The following NCOR2 variants were observed in gnomAD, a reference collection of about 807,000 sequenced individuals.
The protein encoded by NCOR2 is nuclear receptor corepressor 2.
In NCOR2, 81 loss-of-function variants were observed where a neutral mutation model predicts 262.9. That is an observed-to-expected ratio of 0.31 (90% CI 0.26 to 0.37). The LOEUF is 0.37. Among genes scored for constraint, NCOR2 ranks in the 10% least tolerant of loss-of-function variants. The probability of loss-of-function intolerance (pLI) is 1.00; values close to 1 mark genes in which losing one functional copy is unlikely to be tolerated. For synonymous variants in NCOR2, 1,659 were observed against 1,559.3 expected (o/e 1.06, Z -1.51); for missense variants, 3,385 against 3,621.4 (o/e 0.93, Z 1.68).
chr12:124,326,184 T>C lies in NCOR2; in HGVS notation c.7363+7A>G, dbSNP rs776642316. 2.6e-5 allele frequency: 40 copies of C among 1,516,586 alleles called. No homozygotes were observed. The highest frequency in any genetic ancestry group is 3.4e-5 in the Non-Finnish European group (39 of 1,135,522). 93.9% of individuals were successfully genotyped at this position (1,516,586 alleles called of 1,614,324 possible). A position where few individuals can be genotyped will look rare whatever the true frequency, so the allele number is the denominator to read the frequency against. Reference sequence around the variant, plus strand: ...CGAGCCCAGCCCTGTCCCCACCTGGTGCCCACCTGCGGACGAGGGCCTGTC... The same window carrying C: ...CGAGCCCAGCCCTGTCCCCACCTGGCGCCCACCTGCGGACGAGGGCCTGTC... On this transcript the variant is annotated splice_region_variant and intron_variant, in intron 46 of 46. Coordinates refer to ENST00000405201, the Ensembl canonical transcript of NCOR2.
At chr12:124,372,087 G>C (rs2039563317) in exon 20 of NCOR2, 1 of 1,603,948 alleles carries the variant, frequency 6.2e-7, no homozygotes. Flanking sequence ...TGGAGTCGCT[G>C]TCCTGGGGGG....
At chr12:124,540,073 G>A (rs1384398920), upstream of NCOR2, among the ~76,000 whole-genome samples, 3 of 151,962 alleles carry the variant, frequency 2.0e-5, no homozygotes, top group Non-Finnish European at 4.4e-5. Context: ...GCATGACTGC[G>A]AACACAAAAG....
At chr12:124,353,460 C>T (rs975164456) in intron 27 of NCOR2, among the ~76,000 whole-genome samples, 3 of 152,214 alleles carry the variant, frequency 2.0e-5, no homozygotes, top group Non-Finnish European at 4.4e-5. Flanking sequence ...TGAAAAACAC[C>T]TCCCTGTGGA....
chr12:124,405,288 G>A (rs897599628), intron 13 of NCOR2, among the ~76,000 whole-genome samples: 3 of 152,198 alleles, frequency 2.0e-5, no homozygotes, highest in Non-Finnish European at 4.4e-5. Context: ...GGAAACTGAG[G>A]CACCGAGTGC....
rs1402068503 is a variant in NCOR2, at chr12:124,523,931, G to A, written c.-118+11634C>T. 6.6e-6 allele frequency among the ~76,000 whole-genome samples: 1 copy of A among 152,190 alleles called. No individual in the cohort carries two copies. Among genetic ancestry groups the A allele is most frequent in the Non-Finnish European group, 1.5e-5 (1 of 68,034 alleles). ...AACCACTAGACTATACTGTCTCCAA[G>A]AATGTCAGGCCCCACTGGAGACATG... On this transcript the variant is annotated intron_variant, in intron 1 of 46. Transcript: ENST00000404621. The surrounding 1 kb of genome is among the most constrained non-coding windows in gnomAD (Gnocchi z 4.0).
chr12:124,383,533 C>CAA (rs72488781), intron 17 of NCOR2: 430 of 462,304 alleles, frequency 9.3e-4, no homozygotes, highest in Middle Eastern at 1.7e-3. Context: ...CCTTCCAACT[C>CAA]AAAAAAAAAA....
intron 1 of NCOR2, among the ~76,000 whole-genome samples, chr12:124,516,551 C>A (rs1291619866): frequency 6.6e-6 from 1 of 152,198 alleles, no homozygotes; most frequent in South Asian, 2.1e-4. Context: ...GTTACAATTA[C>A]GGAGGCCCAC....
chr12:124,412,518 C>A (rs553689091), intron 13 of NCOR2, among the ~76,000 whole-genome samples: 3 of 152,240 alleles, frequency 2.0e-5, no homozygotes, highest in Non-Finnish European at 2.9e-5. Flanking sequence ...CTGTCAGGCG[C>A]GCTGACAATA....
At chr12:124,396,144 G>A (rs1446881125) in intron 16 of NCOR2, among the ~76,000 whole-genome samples, 1 of 152,148 alleles carries the variant, frequency 6.6e-6, no homozygotes, top group African/African-American at 2.4e-5. Flanking sequence ...CAGAGACAGA[G>A]AGTGCATTAG....
At chr12:124,429,781 C>T in intron 9 of NCOR2, 75 bp from the exon 12 acceptor site, 1 of 1,360,662 alleles carries the variant, frequency 7.3e-7, no homozygotes. Context: ...GTGGCGCAGC[C>T]CTGAGCCCAC....
chr12:124,334,194 A>C, intron 41 of NCOR2: 1 of 457,736 alleles, frequency 2.2e-6, no homozygotes. Context: ...TGTAAAGGGT[A>C]CACGTGAGTG....
chr12:124,513,025 G>A (rs2049500031), intron 1 of NCOR2, among the ~76,000 whole-genome samples: 1 of 152,164 alleles, frequency 6.6e-6, no homozygotes, highest in Non-Finnish European at 1.5e-5. Context: ...CTGCTCTCTC[G>A]GGAGGACTCA....
At chr12:124,341,568 G>A (rs964212452) in intron 34 of NCOR2, among the ~76,000 whole-genome samples, 3 of 152,144 alleles carry the variant, frequency 2.0e-5, no homozygotes, top group African/African-American at 4.8e-5. Context: ...TGAGGCCCCT[G>A]TATCCTAAGA....
exon 33 of NCOR2, chr12:124,343,153 C>A (rs377741543): frequency 6.2e-7 from 1 of 1,611,338 alleles, no homozygotes; most frequent in Non-Finnish European, 8.5e-7. Context: ...CGGTGCTGTG[C>A]GGGGACTTGG....
rs1037186138 is a variant in NCOR2, at chr12:124,407,387, A to C, written c.1483-4826T>G. On this transcript the variant is annotated intron_variant, in intron 13 of 46. Coordinates refer to ENST00000405201, the Ensembl canonical transcript of NCOR2. ...GAGCAGGAGGCCTCTGCGGCATGGC[A>C]ATGGGAAAATGGCCCCTGTGCCTAC... Among the ~76,000 whole-genome samples the C allele has an allele frequency of 2.6e-5, 4 of 152,358 alleles. No individual in the cohort carries two copies. In the East Asian group the frequency reaches 7.7e-4, roughly 29 times the overall value.
In NCOR2 at chr12:124,482,764, T is replaced by C. The variant is rs535441335; in HGVS notation, c.411+832A>G. Among the ~76,000 whole-genome samples, 38 of 152,230 alleles carry C rather than the reference T, an allele frequency of 2.5e-4. No individual in the cohort carries two copies. Among genetic ancestry groups the C allele is most frequent in the African/African-American group, 9.1e-4 (38 of 41,538 alleles). On this transcript the variant is annotated intron_variant, in intron 3 of 46. Transcript: ENST00000405201. The surrounding 1 kb of genome is among the most constrained non-coding windows in gnomAD (Gnocchi z 6.3). ...AATGCCAGGCAGCCCCCCATGGAGATGCAGACGAGCCTGAAGTTGTCTGGC... is the reference window on the plus strand; with the variant it reads ...AATGCCAGGCAGCCCCCCATGGAGACGCAGACGAGCCTGAAGTTGTCTGGC...
At chr12:124,399,585 G>A (rs1056248112) in intron 15 of NCOR2, among the ~76,000 whole-genome samples, 9 of 152,198 alleles carry the variant, frequency 5.9e-5, no homozygotes. Context: ...AGCTTCGAGT[G>A]GGCCATTTAT....
At chr12:124,439,701 G>A (rs115969353) in intron 7 of NCOR2, among the ~76,000 whole-genome samples, 2,152 of 151,994 alleles carry the variant, frequency 0.014, 45 homozygotes, top group African/African-American at 0.049. Flanking sequence ...AGACTGAGAG[G>A]TGAGACTGGA....
Position 124,344,954 on chromosome 12 carries a change from G to A in NCOR2, c.4360-3C>T. On this transcript the variant is annotated splice_polypyrimidine_tract_variant and splice_region_variant and intron_variant, in intron 31 of 46. Coordinates refer to ENST00000405201, the Ensembl canonical transcript of NCOR2. ...GTGTCGTACTTGAGCGGGGTGCCCT[G>A]GGGCAGAGGGGATGTAAGCTCTAGC... 6.5e-7 allele frequency: 1 copy of A among 1,533,092 alleles called. No individual in the cohort carries two copies. Among genetic ancestry groups the A allele is most frequent in the Admixed American group, 2.0e-5 (1 of 50,872 alleles). 95.0% of individuals were successfully genotyped at this position (1,533,092 alleles called of 1,614,324 possible).
Sources: gnomAD v4.1 joint callset for allele counts (sites outside exome capture counted in the v4.1 genomes callset) on GRCh38, gnomAD v4.1.1 for gene constraint, Gnocchi (gnomAD v3.1) non-coding constraint, MANE v1.5 for transcripts, NCBI Gene and HGNC (gene_info 2026-07-23, HGNC 2026-07-21) for gene names.